Variants in CEP128 observed in about 807,000 individuals in gnomAD.
The protein encoded by CEP128 is centrosomal protein 128kDa.
CEP128 carries 132 observed loss-of-function variants against 156.7 expected under a neutral mutation model. The ratio of observed to expected loss-of-function variants is 0.84; its 90% CI spans 0.73 to 0.97. CEP128 has a LOEUF of 0.97. Among genes scored for constraint, CEP128 ranks in the 50% least tolerant of loss-of-function variants. CEP128 has a pLI of 0.00. For synonymous variants in CEP128, 469 were observed against 448.9 expected, an observed-to-expected ratio of 1.04 and a Z score of -0.57; for missense variants, 1,252 against 1,281.9, an observed-to-expected ratio of 0.98 and a Z score of 0.36.
intron 23 of CEP128, among the ~76,000 whole-genome samples, chr14:80,522,535 A>G (rs995707675): frequency 4.6e-5 from 7 of 152,218 alleles, no homozygotes; most frequent in Non-Finnish European, 1.0e-4. Context: ...GTTAAAAATC[A>G]TGACTTTTCT....
intron 9 of CEP128, among the ~76,000 whole-genome samples, chr14:80,855,137 C>T (rs538980051): frequency 1.3e-5 from 2 of 152,208 alleles, no homozygotes. Context: ...ACTTGCTACA[C>T]GCATTTTCCA....
At chr14:80,742,876 C>T (rs1171450074) in intron 19 of CEP128, 199 bp downstream of exon 19, 1 of 564,278 alleles carries the variant, frequency 1.8e-6, no homozygotes, top group African/African-American at 1.9e-5. Context: ...TTATCATATA[C>T]ACAGGAGGAA....
intron 8 of CEP128, among the ~76,000 whole-genome samples, chr14:80,871,147 C>T (rs149845149): frequency 2.6e-4 from 40 of 151,980 alleles, no homozygotes; most frequent in African/African-American, 8.2e-4. Flanking sequence ...AGCCACATAA[C>T]GTAGGCACTA....
chr14:80,607,829 T>C (rs1458592832), intron 19 of CEP128, among the ~76,000 whole-genome samples: 1 of 152,128 alleles, frequency 6.6e-6, no homozygotes, highest in Non-Finnish European at 1.5e-5. Context: ...TACAATAGCT[T>C]CCCCCACCTT....
At chr14:80,855,715 T>C (rs899729646) in intron 9 of CEP128, among the ~76,000 whole-genome samples, 6 of 152,078 alleles carry the variant, frequency 3.9e-5, no homozygotes, top group African/African-American at 1.4e-4. Context: ...CCAAACAAAG[T>C]AGGGGAGTCT....
chr14:80,701,890 T>G (rs1897087602), intron 19 of CEP128, among the ~76,000 whole-genome samples: 1 of 152,196 alleles, frequency 6.6e-6, no homozygotes, highest in African/African-American at 2.4e-5. Flanking sequence ...ACGATGCCTT[T>G]GCATGGGTGC....
upstream of CEP128, among the ~76,000 whole-genome samples, chr14:80,944,958 C>T (rs1006795412): frequency 7.6e-5 from 11 of 145,220 alleles, no homozygotes. Flanking sequence ...CAAACCAGTA[C>T]AAGTATCATT....
chr14:80,638,893 G>C (rs1353868196), intron 19 of CEP128, among the ~76,000 whole-genome samples: 1 of 152,084 alleles, frequency 6.6e-6, no homozygotes, highest in Non-Finnish European at 1.5e-5. Context: ...GGTTTTAGAA[G>C]TCAATGACTC....
chr14:80,908,026 C>A (rs1271069376), intron 4 of CEP128, among the ~76,000 whole-genome samples: 4 of 152,066 alleles, frequency 2.6e-5, no homozygotes, highest in Non-Finnish European at 5.9e-5. Context: ...ATTTCAGTAT[C>A]CTTTTGAAAG....
intron 5 of CEP128, 200 bp downstream of exon 5, chr14:80,905,755 G>GAA (rs60483596): frequency 6.0e-3 from 2,331 of 386,548 alleles, no homozygotes; most frequent in South Asian, 9.0e-3. Context: ...CAGAGTTTGA[G>GAA]AAAAAAAAAA....
At chr14:80,630,707 G>A (rs1595118946) in intron 19 of CEP128, among the ~76,000 whole-genome samples, 1 of 151,890 alleles carries the variant, frequency 6.6e-6, no homozygotes, top group East Asian at 1.9e-4. Context: ...TTGTTTTCAG[G>A]GCAGAACCTC....
chr14:80,647,675 G>A (rs1051600758), intron 19 of CEP128, among the ~76,000 whole-genome samples: 4 of 152,050 alleles, frequency 2.6e-5, no homozygotes, highest in African/African-American at 4.8e-5. Flanking sequence ...AGGGGAGGTC[G>A]TCTGGTGAAT....
chr14:80,742,831 A>G lies in CEP128; in HGVS notation c.2806+244T>C. The G allele has an allele frequency of 6.5e-6, 3 of 463,210 alleles. No individual in the cohort carries two copies. The South Asian group carries it at 7.8e-5, about 12-fold the overall frequency. The allele number at this position is 463,210 out of a possible 1,614,324, so 28.7% of individuals were successfully genotyped here. On this transcript the variant is annotated intron_variant, in intron 19 of 24. Coordinates refer to ENST00000555265, the MANE Select transcript of CEP128 (RefSeq NM_152446.5). ...TACTAAGACAGAAGCAGTATGTCTTATCAATTAATTCCTGCACACAGCCAG... is the reference window on the plus strand; with the variant it reads ...TACTAAGACAGAAGCAGTATGTCTTGTCAATTAATTCCTGCACACAGCCAG...
At chr14:80,513,701 T>G (rs1349489632) in intron 23 of CEP128, among the ~76,000 whole-genome samples, 2 of 152,190 alleles carry the variant, frequency 1.3e-5, no homozygotes, top group African/African-American at 4.8e-5. Flanking sequence ...AACTATACAT[T>G]CTCATCAGAT....
intron 13 of CEP128, among the ~76,000 whole-genome samples, chr14:80,823,915 T>G (rs2140010502): frequency 6.6e-6 from 1 of 152,356 alleles, no homozygotes; most frequent in South Asian, 2.1e-4. Context: ...ACATTTCCCT[T>G]CCACATTGCC....
chr14:80,647,901 C>G (rs932358320), intron 19 of CEP128, among the ~76,000 whole-genome samples: 20 of 152,072 alleles, frequency 1.3e-4, no homozygotes, highest in African/African-American at 4.8e-4. Flanking sequence ...CCTGATCACA[C>G]TGCTTGGTTC....
At chr14:80,733,419 C>T (rs1357960066) in intron 19 of CEP128, among the ~76,000 whole-genome samples, 1 of 151,084 alleles carries the variant, frequency 6.6e-6, no homozygotes, top group Non-Finnish European at 1.5e-5. Context: ...GAAACACACC[C>T]TATTGCTACT....
chr14:80,732,706 GA>G (rs368679612), intron 19 of CEP128, among the ~76,000 whole-genome samples: 3 of 152,088 alleles, frequency 2.0e-5, no homozygotes, highest in African/African-American at 7.2e-5. Context: ...AAAGAATGCA[GA>G]AACAAATAGC....
chr14:80,828,658 A>G (rs1885618366), intron 13 of CEP128, among the ~76,000 whole-genome samples: 1 of 152,212 alleles, frequency 6.6e-6, no homozygotes. Flanking sequence ...GGCACAAAGG[A>G]AAAACTGATG....
Sources: allele counts gnomAD v4.1 joint callset (sites outside exome capture counted in the v4.1 genomes callset), GRCh38; gene constraint gnomAD v4.1.1; transcripts MANE v1.5; gene names NCBI Gene and HGNC (gene_info 2026-07-23, HGNC 2026-07-21).